F5: variants seen among roughly 807,000 people sequenced by gnomAD.
F5 encodes coagulation factor V, also known as activated protein c cofactor.
F5 carries 138 observed loss-of-function variants against 216.4 expected under a neutral mutation model. The observed-to-expected ratio is 0.64, with a 90% CI of 0.56 to 0.73. F5 has a LOEUF of 0.73. Ranked by LOEUF, F5 falls within the 30% of genes least tolerant of loss-of-function variation. The pLI is 0.00. For missense variants in F5, 2,403 were observed against 2,674.0 expected, an observed-to-expected ratio of 0.90 and a Z score of 2.24; for synonymous variants, 916 against 930.7, an observed-to-expected ratio of 0.98 and a Z score of 0.29.
rs199652232 is a variant in F5, at chr1:169,527,036, CACA to C, written c.5599+876_5599+878del. Reference sequence around the variant, plus strand: ...TGTGCCTGCATCTGAGGCAGATTCACACAACGTCACCCAAAGTGCTGTCGAGGG... The same window carrying C: ...TGTGCCTGCATCTGAGGCAGATTCACACGTCACCCAAAGTGCTGTCGAGGG... On this transcript the variant is annotated intron_variant, in intron 17 of 24. Transcript: ENST00000367797. Among the ~76,000 whole-genome samples, 1,112 of 152,226 alleles carry C rather than the reference CACA, an allele frequency of 7.3e-3. 13 individuals carry two copies. The highest frequency in any genetic ancestry group is 0.028 in the South Asian group (137 of 4,810).
chr1:169,528,625 A>G (rs967409760), intron 16 of F5, among the ~76,000 whole-genome samples: 1 of 152,120 alleles, frequency 6.6e-6, no homozygotes, highest in Non-Finnish European at 1.5e-5. Flanking sequence ...TTATTCTCTT[A>G]TTGGTATGAC....
At position 169,546,966 on chromosome 1, in the gene F5, T is replaced by TAA. The variant is rs11363133; in HGVS notation, c.1612-376_1612-375dup. ...TCAACATGGCAAAACCCGTCTCTAC[T>TAA]AAAAAAAAAAAAAAAAAGAAAAGAA... is the stretch of plus-strand genomic sequence containing the variant. On this transcript the variant is annotated intron_variant, in intron 10 of 24. Coordinates refer to ENST00000367797, the MANE Select transcript of F5 (RefSeq NM_000130.5). Among the ~76,000 whole-genome samples, 38 of 129,918 alleles carry TAA rather than the reference T, an allele frequency of 2.9e-4. 1 individual carries two copies. The highest frequency in any genetic ancestry group is 1.0e-3 in the African/African-American group (35 of 34,396). The allele number at this position is 129,918 out of a possible 152,430, so 85.2% of individuals were successfully genotyped here.
chr1:169,524,979 T>G, intron 18 of F5, 71 bp from the exon 19 acceptor site: 1 of 1,188,244 alleles, frequency 8.4e-7, no homozygotes, highest in Non-Finnish European at 1.2e-6. Flanking sequence ...AACTCCATGG[T>G]TAGGGATTAT....
In F5 at chr1:169,512,841, T is replaced by C. The variant is rs921344321; in HGVS notation, c.*1472A>G. ...GATGCTCCCAGTGAATTATGCCTCC[T>C]GGTATGTGGTCCTTATGCAGTTCCC... On this transcript the variant is annotated 3_prime_UTR_variant, in exon 25 of 25. Transcript: ENST00000367797. Among the ~76,000 whole-genome samples, 1 of 152,086 alleles carries C rather than the reference T, an allele frequency of 6.6e-6. No individual in the cohort carries two copies. The highest frequency in any genetic ancestry group is 2.4e-5 in the African/African-American group (1 of 41,430).
In F5 at chr1:169,556,798, A is replaced by G; in HGVS notation, c.800T>C (p.Phe267Ser). The G allele has an allele frequency of 6.2e-7, 1 of 1,614,060 alleles. No individual in the cohort carries two copies. Among genetic ancestry groups the G allele is most frequent in the Non-Finnish European group, 8.5e-7 (1 of 1,180,002 alleles). The part of the protein sequence containing the change: ...LLGMSSGPEL[F>S]SIHFNGQVLE... Reference sequence around the variant, plus strand: ...GACCTGGCCGTTGAAATGAATGGAGAATAATTCTGGCCCCGAGCTCATTCC... The same window carrying G: ...GACCTGGCCGTTGAAATGAATGGAGGATAATTCTGGCCCCGAGCTCATTCC... Residue 267 changes from phenylalanine to serine, a missense_variant, in exon 6 of 25, where the codon TTC (phenylalanine) becomes TCC (serine). Phe to Ser is a radical substitution (Grantham distance 155). Transcript: ENST00000367797.
At chr1:169,517,669 T>G (rs911825957) in intron 23 of F5, among the ~76,000 whole-genome samples, 1 of 152,160 alleles carries the variant, frequency 6.6e-6, no homozygotes, top group Admixed American at 6.5e-5. Flanking sequence ...AATTACTCAG[T>G]GGGCTAATAT....
Position 169,513,837 on chromosome 1 carries a change from G to A in F5, c.*476C>T, listed in dbSNP as rs72708017. Among the ~76,000 whole-genome samples, 1,973 of 152,026 alleles carry A rather than the reference G, an allele frequency of 0.013. 18 individuals are homozygous for A. The highest frequency in any genetic ancestry group is 0.017 in the Non-Finnish European group (1,156 of 67,946). On this transcript the variant is annotated 3_prime_UTR_variant, in exon 25 of 25. Coordinates refer to ENST00000367797, the MANE Select transcript of F5 (RefSeq NM_000130.5). ...AAATCATTGTTATATGGGAAAGACA[G>A]GATATTTTAAGTACTTATTTCATTT...
chr1:169,538,031 G>A (rs950763970), intron 13 of F5, among the ~76,000 whole-genome samples: 18 of 152,036 alleles, frequency 1.2e-4, no homozygotes, highest in African/African-American at 3.6e-4. Context: ...GCTGTCCCAC[G>A]TTCACTGCAG....
intron 14 of F5, among the ~76,000 whole-genome samples, chr1:169,532,757 G>A (rs61805767): frequency 0.18 from 26,698 of 152,084 alleles, 2,514 homozygotes; most frequent in South Asian, 0.2. Flanking sequence ...AACATTCTAT[G>A]CTTATGTATT....
intron 8 of F5, among the ~76,000 whole-genome samples, chr1:169,551,864 A>C (rs1660175498): frequency 6.6e-6 from 1 of 151,748 alleles, no homozygotes; most frequent in African/African-American, 2.4e-5. Flanking sequence ...TCTGAGGAAA[A>C]CTCCGTGCTC....
intron 2 of F5, among the ~76,000 whole-genome samples, chr1:169,580,573 G>A (rs10800458): frequency 6.6e-6 from 1 of 151,728 alleles, no homozygotes; most frequent in Non-Finnish European, 1.5e-5. Flanking sequence ...CAGTAGAGGC[G>A]GGGTTTCACC....
At chr1:169,555,438 T>C in intron 6 of F5, 91 bp from the exon 7 acceptor site, 1 of 1,311,432 alleles carries the variant, frequency 7.6e-7, no homozygotes, top group Non-Finnish European at 1.1e-6. Context: ...TTGTGGAAGG[T>C]TTATATTAAT....
chr1:169,534,538 G>A (rs572064389), intron 14 of F5, among the ~76,000 whole-genome samples: 31 of 151,820 alleles, frequency 2.0e-4, no homozygotes, highest in African/African-American at 6.8e-4. Flanking sequence ...CATGGTGGTG[G>A]GTGCCTGTAA....
intron 3 of F5, among the ~76,000 whole-genome samples, chr1:169,563,649 T>TA (rs1434621074): frequency 6.6e-6 from 1 of 152,028 alleles, no homozygotes; most frequent in African/African-American, 2.4e-5. Flanking sequence ...TTATAATATA[T>TA]TTTTTTATCC....
At chr1:169,577,576 T>TATATATATAC (rs1660886451) in intron 2 of F5, among the ~76,000 whole-genome samples, 1 of 104,168 alleles carries the variant, frequency 9.6e-6, no homozygotes, top group African/African-American at 4.2e-5. Context: ...TATATATATA[T>TATATATATAC]ATATATATAT....
At position 169,530,867 on chromosome 1, in the gene F5, T is replaced by C. The variant is rs1659580353; in HGVS notation, c.5127A>G (p.Val1709=). The change falls in exon 15 of 25, where the codon GTA becomes GTG. Residue 1709 remains valine (V), a synonymous_variant. Transcript: ENST00000367797. ...AVQPNSSYTY[V]WHATERSGPE... ...GCCCTGATCGCTCAGTGGCATGCCA[T>C]ACGTAGGTATAACTGCTATTTGGCT... 7 of 1,613,964 alleles carry C rather than the reference T, an allele frequency of 4.3e-6. No individual in the cohort carries two copies. Among genetic ancestry groups the C allele is most frequent in the Non-Finnish European group, 5.9e-6 (7 of 1,179,884 alleles).
At chr1:169,560,265 T>C (rs1025903699) in intron 4 of F5, among the ~76,000 whole-genome samples, 1 of 152,102 alleles carries the variant, frequency 6.6e-6, no homozygotes, top group Non-Finnish European at 1.5e-5. Flanking sequence ...TTGAGGTAAA[T>C]GTTACAGATC....
At chr1:169,562,732 A>T (rs1660510253) in intron 3 of F5, among the ~76,000 whole-genome samples, 1 of 152,014 alleles carries the variant, frequency 6.6e-6, no homozygotes, top group Admixed American at 6.6e-5. Flanking sequence ...ACCTTGCAAT[A>T]ATATATTTCC....
chr1:169,530,711 C>G (rs1659574614), intron 15 of F5, 75 bp downstream of exon 15: 1 of 1,308,794 alleles, frequency 7.6e-7, no homozygotes. Flanking sequence ...AAGAAATAAC[C>G]CCGACTCTTC....
Sources: gnomAD v4.1 joint callset for allele counts (sites outside exome capture counted in the v4.1 genomes callset) on GRCh38, gnomAD v4.1.1 for gene constraint, MANE v1.5 for transcripts, NCBI Gene and HGNC (gene_info 2026-07-23, HGNC 2026-07-21) for gene names.